The following ETV5 variants were observed in gnomAD, a reference collection of about 807,000 sequenced individuals.
ETV5 encodes ETS variant transcription factor 5, also known as ETS translocation variant 5.
A neutral mutation model predicts 70.0 loss-of-function variants in ETV5; 10 were observed. The ratio of observed to expected loss-of-function variants is 0.14; its 90% CI spans 0.09 to 0.24. The LOEUF (loss-of-function observed/expected upper bound fraction) is 0.24. ETV5 is among the 10% of genes least tolerant of loss of function. The probability of loss-of-function intolerance (pLI) is 1.00; values close to 1 mark genes in which losing one functional copy is unlikely to be tolerated. For synonymous variants in ETV5, 216 were observed against 242.2 expected (o/e 0.89, Z 1.01); for missense variants, 453 against 651.2 (o/e 0.70, Z 3.31).
At chr3:186,100,596 T>G (rs1714429568) in intron 5 of ETV5, among the ~76,000 whole-genome samples, 1 of 152,250 alleles carries the variant, frequency 6.6e-6, no homozygotes, top group Admixed American at 6.5e-5. Flanking sequence ...CCCAGCCGTC[T>G]ATTGCAATGT....
intron 1 of ETV5, chr3:186,108,558 A>C (rs990173203): frequency 1.6e-6 from 2 of 1,271,036 alleles, no homozygotes; most frequent in South Asian, 2.5e-5. Flanking sequence ...GAGCTCCGCC[A>C]AGCGTCTCTT....
chr3:186,101,255 T>C (rs1340565750), intron 5 of ETV5, among the ~76,000 whole-genome samples: 1 of 152,096 alleles, frequency 6.6e-6, no homozygotes, highest in Non-Finnish European at 1.5e-5. Flanking sequence ...ACACGAAAGG[T>C]GTCTTCTAGG....
At chr3:186,061,361 T>C (rs1402730618) in intron 9 of ETV5, among the ~76,000 whole-genome samples, 1 of 152,190 alleles carries the variant, frequency 6.6e-6, no homozygotes, top group Non-Finnish European at 1.5e-5. Flanking sequence ...TGACCAAACT[T>C]GAGAACCGTT....
intron 5 of ETV5, among the ~76,000 whole-genome samples, chr3:186,091,324 G>A (rs1350613371): frequency 1.3e-5 from 2 of 152,188 alleles, no homozygotes. Context: ...GAGTTATGAT[G>A]TTGATGACTC....
intron 7 of ETV5, among the ~76,000 whole-genome samples, chr3:186,076,919 A>T (rs190541388): frequency 9.8e-5 from 15 of 152,390 alleles, no homozygotes; most frequent in African/African-American, 3.1e-4. Context: ...GTTCAAGGTC[A>T]AAACAAATTT....
intron 7 of ETV5, among the ~76,000 whole-genome samples, chr3:186,068,959 A>G (rs1713521312): frequency 1.3e-5 from 2 of 152,214 alleles, no homozygotes; most frequent in Admixed American, 1.3e-4. Context: ...CTTATTCTCT[A>G]CTTTTAGCTT....
chr3:186,108,475 C>T (rs1014248847), intron 1 of ETV5: 9 of 1,272,914 alleles, frequency 7.1e-6, no homozygotes, highest in South Asian at 1.2e-5. Flanking sequence ...TTTACCCCCT[C>T]CCGGTGCTCT....
Position 186,066,054 on chromosome 3 carries a change from A to C in ETV5, c.669T>G (p.Ser223=). ...GAGGAGGGAAGGGGTGGCAGGGTTC[A>C]GACAGTTGTCTCTGAAATCTGTAAG... ...PSEQRFQRQL[S]EPCHPFPPQP... The change falls in exon 8 of 13, where the codon TCT becomes TCG. Residue 223 remains serine (S), a synonymous_variant. Transcript: ENST00000306376. 1 of 1,593,188 alleles carries C rather than the reference A, an allele frequency of 6.3e-7. No individual in the cohort carries two copies.
intron 5 of ETV5, among the ~76,000 whole-genome samples, chr3:186,100,271 C>G (rs563172989): frequency 1.1e-4 from 16 of 152,276 alleles, no homozygotes; most frequent in African/African-American, 3.9e-4. Context: ...AAGTATAAAC[C>G]AATGGCCTTG....
intron 5 of ETV5, among the ~76,000 whole-genome samples, chr3:186,097,002 G>A (rs540491683): frequency 6.6e-6 from 1 of 152,262 alleles, no homozygotes; most frequent in Admixed American, 6.5e-5. Context: ...ACCACCCCCA[G>A]CACACCCGCT....
intron 5 of ETV5, among the ~76,000 whole-genome samples, chr3:186,099,971 T>TGA (rs1472173799): frequency 6.6e-6 from 1 of 152,212 alleles, no homozygotes; most frequent in African/African-American, 2.4e-5. Flanking sequence ...TAAGCCTAAC[T>TGA]GAATTAAAGG....
Position 186,057,481 on chromosome 3 carries a change from A to G in ETV5, c.981T>C (p.Tyr327=), listed in dbSNP as rs1461480034. The G allele has an allele frequency of 8.7e-6, 14 of 1,613,836 alleles. No individual in the cohort carries two copies. The highest frequency in any genetic ancestry group is 1.1e-5 in the Non-Finnish European group (13 of 1,179,840). ...CAAAGTATAATCGGGGATCTTTTTC[A>G]TATGAAAAACCTGAAAGAGAATTTA... ...YFSSSHEGFS[Y]EKDPRLYFDD... The change falls in exon 10 of 13, where the codon TAT becomes TAC. Residue 327 remains tyrosine, a synonymous_variant. Coordinates refer to ENST00000306376, the MANE Select transcript of ETV5 (RefSeq NM_004454.3). The surrounding 1 kb of genome is among the most constrained non-coding windows in gnomAD (Gnocchi z 4.9).
Position 186,052,710 on chromosome 3 carries a change from A to G in ETV5, c.1210-579T>C, listed in dbSNP as rs945542421. 1.4e-4 allele frequency among the ~76,000 whole-genome samples: 21 copies of G among 152,308 alleles called. No homozygotes were observed. Among genetic ancestry groups the G allele is most frequent in the African/African-American group, 5.1e-4 (21 of 41,558 alleles). ...CCAGCAGACTTGCAGAATGGACATG[A>G]AAGCATGTAGCACCATTATCCACTT... On this transcript the variant is annotated intron_variant, in intron 11 of 12. Transcript: ENST00000306376. This position sits in a 1 kb window ranked among gnomAD's most constrained non-coding sequence, Gnocchi z 4.5.
At chr3:186,090,107 GA>G (rs146947983) in intron 5 of ETV5, among the ~76,000 whole-genome samples, 2,878 of 152,024 alleles carry the variant, frequency 0.019, 102 homozygotes, top group African/African-American at 0.066. Context: ...ATATTTGGAG[GA>G]AAAAAAATCC....
chr3:186,063,231 C>A (rs1713351854), intron 9 of ETV5, among the ~76,000 whole-genome samples: 3 of 152,214 alleles, frequency 2.0e-5, no homozygotes, highest in Admixed American at 2.0e-4. Context: ...GATCATGCCA[C>A]TGCACTCCAG....
chr3:186,066,262 C>CAAA (rs10681607), intron 7 of ETV5, among the ~76,000 whole-genome samples, 190 bp from the exon 8 acceptor site: 32 of 94,896 alleles, frequency 3.4e-4, no homozygotes, highest in Non-Finnish European at 4.2e-4. Flanking sequence ...CAGGAAGTGG[C>CAAA]AAAAAAAAAA....
chr3:186,076,520 CG>C lies in ETV5; in HGVS notation c.650+3296del, dbSNP rs1358304037. The stretch of plus-strand genomic sequence containing the variant: ...AGTGTACTACAGAGCCCAGGACTCC[CG>C]AGGGCAAGTGATCCTCCCACCTCAG... On this transcript the variant is annotated intron_variant, in intron 7 of 12. Coordinates refer to ENST00000306376, the MANE Select transcript of ETV5 (RefSeq NM_004454.3). The C allele has an allele frequency of 1.6e-5, 3 of 182,574 alleles. No individual in the cohort carries two copies. In the East Asian group the frequency reaches 2.7e-4, roughly 16 times the overall value. 11.3% of individuals were successfully genotyped at this position (182,574 alleles called of 1,614,324 possible). A position where few individuals can be genotyped will look rare whatever the true frequency, so the allele number is the denominator to read the frequency against.
intron 5 of ETV5, among the ~76,000 whole-genome samples, chr3:186,088,907 A>G (rs1414074436): frequency 6.6e-6 from 1 of 152,234 alleles, no homozygotes; most frequent in Non-Finnish European, 1.5e-5. Context: ...GTTAGCAGGA[A>G]AAAAGATGTA....
intron 12 of ETV5, 67 bp downstream of exon 12, chr3:186,051,963 A>C: frequency 6.6e-7 from 1 of 1,504,414 alleles, no homozygotes; most frequent in East Asian, 2.3e-5. Flanking sequence ...CAGTCTCACT[A>C]CAGAAGCCCT....
Sources: gnomAD v4.1 joint callset for allele counts (sites outside exome capture counted in the v4.1 genomes callset) on GRCh38, gnomAD v4.1.1 for gene constraint, Gnocchi (gnomAD v3.1) non-coding constraint, MANE v1.5 for transcripts, NCBI Gene and HGNC (gene_info 2026-07-23, HGNC 2026-07-21) for gene names.